UGT2A3: variants seen among roughly 807,000 people sequenced by gnomAD.
UGT2A3 encodes the protein UDP glucuronosyltransferase family 2 member A3.
A neutral mutation model predicts 44.1 loss-of-function variants in UGT2A3; 55 were observed. That is an observed-to-expected ratio of 1.25 (90% CI 1.00 to 1.56). The LOEUF is 1.56. UGT2A3 is among the 40% of genes most tolerant of loss of function. The pLI is 0.00. For synonymous variants in UGT2A3, 243 were observed against 215.1 expected (o/e 1.13, Z -1.13); for missense variants, 733 against 621.6 (o/e 1.18, Z -1.91).
chr4:68,951,270 A>G lies in UGT2A3; in HGVS notation c.491T>C (p.Val164Ala). Reference sequence around the variant, plus strand: ...AATTCTAAGTGTGAGCACAAAAGGGACTGCAAGCAACTCAGCCATCAGGTC... The same window carrying G: ...AATTCTAAGTGTGAGCACAAAAGGGGCTGCAAGCAACTCAGCCATCAGGTC... ...CGDLMAELLA[V>A]PFVLTLRISV... Residue 164 changes from valine (V) to alanine (A), a missense_variant, in exon 1 of 6, where the codon GTC (valine) becomes GCC (alanine). Coordinates refer to ENST00000251566, the MANE Select transcript of UGT2A3 (RefSeq NM_024743.4). 6.2e-7 allele frequency: 1 copy of G among 1,611,650 alleles called. No individual in the cohort carries two copies. Among genetic ancestry groups the G allele is most frequent in the Non-Finnish European group, 8.5e-7 (1 of 1,178,916 alleles).
At chr4:68,951,787 TGCAATGGTTTTGTAGTTA>T in exon 1 of UGT2A3, 1 of 1,511,156 alleles carries the variant, frequency 6.6e-7, no homozygotes, top group Non-Finnish European at 8.9e-7. Context: ...CACACTGATC[TGCAATGGTTTTGTAGTTA>T]CTAAGCAAGG....
chr4:68,943,556 T>C (rs1718272926), intron 2 of UGT2A3, among the ~76,000 whole-genome samples: 1 of 151,806 alleles, frequency 6.6e-6, no homozygotes, highest in African/African-American at 2.4e-5. Flanking sequence ...TCTGTAGTAA[T>C]AGGTAAACCC....
At chr4:68,945,155 C>A in intron 2 of UGT2A3, 151 bp downstream of exon 2, 1 of 761,460 alleles carries the variant, frequency 1.3e-6, no homozygotes, top group Non-Finnish European at 2.1e-6. Flanking sequence ...CATATAATCA[C>A]CTATAAGAGC....
chr4:68,929,577 T>G lies in UGT2A3; in HGVS notation c.*236A>C. On this transcript the variant is annotated 3_prime_UTR_variant, in exon 6 of 6. Transcript: ENST00000251566. ...AACAGTCATATCAGAAATAGGAAAATTTAGATGTATTCATGTCCTTGTGTC... is the reference window on the plus strand; with the variant it reads ...AACAGTCATATCAGAAATAGGAAAAGTTAGATGTATTCATGTCCTTGTGTC... The G allele has an allele frequency of 2.7e-6, 1 of 376,898 alleles. No homozygotes were observed. The allele number at this position is 376,898 out of a possible 1,614,324, so 23.3% of individuals were successfully genotyped here. A position where few individuals can be genotyped will look rare whatever the true frequency, so the allele number is the denominator to read the frequency against.
intron 2 of UGT2A3, among the ~76,000 whole-genome samples, chr4:68,939,807 G>GGGTCATCTGACAAGA (rs1718117225): frequency 5.3e-5 from 8 of 152,116 alleles, no homozygotes; most frequent in Admixed American, 2.0e-4. Context: ...ATCTGACAAA[G>GGGTCATCTGACAAGA]GGCTAATATC....
At chr4:68,944,321 C>T (rs1179603340) in intron 2 of UGT2A3, among the ~76,000 whole-genome samples, 1 of 151,682 alleles carries the variant, frequency 6.6e-6, no homozygotes, top group African/African-American at 2.4e-5. Context: ...GGCTGTTCAT[C>T]AGAATAAAAA....
chr4:68,930,686 C>T lies in UGT2A3; in HGVS notation c.1164G>A (p.Met388Ile), dbSNP rs780282107. The T allele has an allele frequency of 6.2e-7, 1 of 1,613,310 alleles. No individual in the cohort carries two copies. The highest frequency in any genetic ancestry group is 1.1e-5 in the South Asian group (1 of 91,030). The change falls in exon 5 of 6, where the codon ATG becomes ATA. Residue 388 changes from methionine to isoleucine, a missense_variant. Transcript: ENST00000251566. ...GATCACCAAATATGGGAACTCCCACCATAGGGACCCCATGGTAAATAGCTT... is the reference window on the plus strand; with the variant it reads ...GATCACCAAATATGGGAACTCCCACTATAGGGACCCCATGGTAAATAGCTT... ...IYEAIYHGVP[M>I]VGVPIFGDQL...
intron 1 of UGT2A3, among the ~76,000 whole-genome samples, chr4:68,948,552 G>A (rs1174561250): frequency 1.3e-4 from 19 of 145,612 alleles, no homozygotes; most frequent in East Asian, 2.1e-4. Context: ...GGCTCAAGCC[G>A]TTCTCCCACC....
rs779888828 is a variant in UGT2A3 at position 68,930,530 on chromosome 4, A to C, written c.1304+16T>G. 1 of 1,591,546 alleles carries C rather than the reference A, an allele frequency of 6.3e-7. No homozygotes were observed. Among genetic ancestry groups the C allele is most frequent in the South Asian group, 1.1e-5 (1 of 87,616 alleles). On this transcript the variant is annotated intron_variant, in intron 5 of 5. Transcript: ENST00000251566. ...TAGTCAATGTTAGATCAGTCTGTACAAGCAGTAGTACTTACGAGGAATCGG... is the reference window on the plus strand; with the variant it reads ...TAGTCAATGTTAGATCAGTCTGTACCAGCAGTAGTACTTACGAGGAATCGG...
Position 68,930,639 on chromosome 4 carries a change from A to G in UGT2A3, c.1211T>C (p.Met404Thr), listed in dbSNP as rs760262855. 6.2e-7 allele frequency: 1 copy of G among 1,613,564 alleles called. No homozygotes were observed. Among genetic ancestry groups the G allele is most frequent in the East Asian group, 2.2e-5 (1 of 44,818 alleles). The change falls in exon 5 of 6, where the codon ATG (methionine) becomes ACG (threonine). Residue 404 changes from methionine to threonine, a missense_variant. Transcript: ENST00000251566. The part of the protein sequence containing the change: ...FGDQLDNIAH[M>T]KAKGAAVEIN... ...TTCTACAGCTGCTCCTTTGGCCTTC[A>G]TGTGAGCTATGTTATCAAGCTGATC...
At chr4:68,942,504 G>GATTTATATAT (rs1718228397) in intron 2 of UGT2A3, among the ~76,000 whole-genome samples, 1 of 131,032 alleles carries the variant, frequency 7.6e-6, no homozygotes, top group Non-Finnish European at 1.6e-5. Context: ...TTCCACTGGA[G>GATTTATATAT]ATATATATAT....
intron 5 of UGT2A3, 70 bp from the exon 6 acceptor site, chr4:68,930,162 A>C (rs1450514073): frequency 2.7e-6 from 4 of 1,472,866 alleles, no homozygotes; most frequent in Non-Finnish European, 3.7e-6. Context: ...AGGTAGATAA[A>C]CCGTAGTATA....
chr4:68,943,894 C>T (rs1446206210), intron 2 of UGT2A3, among the ~76,000 whole-genome samples: 1 of 151,736 alleles, frequency 6.6e-6, no homozygotes, highest in Non-Finnish European at 1.5e-5. Flanking sequence ...TGCATTAAAC[C>T]TACCAATTAC....
At position 68,929,723 on chromosome 4, in the gene UGT2A3, T is replaced by G; in HGVS notation, c.*90A>C. ...AGCTAAGATAAAATAACAGAATAGA[T>G]AATATGAAAATAGCAAGGTTTTCAC... On this transcript the variant is annotated 3_prime_UTR_variant, in exon 6 of 6. Transcript: ENST00000251566. 1 of 1,178,620 alleles carries G rather than the reference T, an allele frequency of 8.5e-7. No homozygotes were observed. 73.0% of individuals were successfully genotyped at this position (1,178,620 alleles called of 1,614,324 possible).
intron 2 of UGT2A3, among the ~76,000 whole-genome samples, chr4:68,944,125 T>C (rs1388347646): frequency 6.6e-6 from 1 of 151,812 alleles, no homozygotes; most frequent in African/African-American, 2.4e-5. Context: ...TGGTTAAGTT[T>C]CTCCCATGTT....
intron 2 of UGT2A3, among the ~76,000 whole-genome samples, chr4:68,941,052 A>G: frequency 6.6e-6 from 1 of 151,656 alleles, no homozygotes; most frequent in East Asian, 2.0e-4. Context: ...CTGGGAGGCG[A>G]ATTTTTACTC....
At chr4:68,943,231 G>GTGTA (rs1207807134) in intron 2 of UGT2A3, 17 of 728,614 alleles carry the variant, frequency 2.3e-5, no homozygotes, top group Middle Eastern at 2.8e-4. Flanking sequence ...TTGTGTGTGT[G>GTGTA]TGTAAAACTG....
intron 1 of UGT2A3, among the ~76,000 whole-genome samples, chr4:68,950,183 C>A (rs1718529246): frequency 6.6e-6 from 1 of 151,858 alleles, no homozygotes; most frequent in African/African-American, 2.4e-5. Flanking sequence ...CAGCTAGGCA[C>A]AGCTTACTGA....
chr4:68,950,968 T>C, intron 1 of UGT2A3, 78 bp downstream of exon 1: 1 of 998,988 alleles, frequency 1.0e-6, no homozygotes, highest in African/African-American at 1.6e-5. Flanking sequence ...TGCATATATA[T>C]GTCATAGACA....
Sources: allele counts gnomAD v4.1 joint callset (sites outside exome capture counted in the v4.1 genomes callset), GRCh38; gene constraint gnomAD v4.1.1; transcripts MANE v1.5; gene names NCBI Gene and HGNC (gene_info 2026-07-23, HGNC 2026-07-21).